Variants in CDIN1 observed in about 807,000 individuals in gnomAD.
The protein encoded by CDIN1 is CDAN1 interacting nuclease 1, also known as CDAN1-interacting nuclease 1.
In CDIN1, 33 loss-of-function variants were observed where a neutral mutation model predicts 45.3. The ratio of observed to expected loss-of-function variants is 0.73; its 90% CI spans 0.55 to 0.97. CDIN1 has a LOEUF of 0.97. Ranked by LOEUF, CDIN1 falls within the 50% of genes least tolerant of loss-of-function variation. The probability of loss-of-function intolerance (pLI) is 0.00; values close to 1 mark genes in which losing one functional copy is unlikely to be tolerated. For synonymous variants in CDIN1, 118 were observed against 124.4 expected, an observed-to-expected ratio of 0.95 and a Z score of 0.34; for missense variants, 303 against 339.4, an observed-to-expected ratio of 0.89 and a Z score of 0.84.
rs1301097161 is a variant in CDIN1 at position 36,621,338 on chromosome 15, C to T, written c.102-22940C>T. On this transcript the variant is annotated intron_variant, in intron 1 of 10. Coordinates refer to ENST00000566621, the MANE Select transcript of CDIN1 (RefSeq NM_001321759.2). ...GTTAAGCTTTGGAGATACGTATTAGCGATTAACTGTTAAGAGCTTTGAAAA... is the reference window on the plus strand; with the variant it reads ...GTTAAGCTTTGGAGATACGTATTAGTGATTAACTGTTAAGAGCTTTGAAAA... 7.2e-5 allele frequency among the ~76,000 whole-genome samples: 11 copies of T among 152,234 alleles called. No homozygotes were observed. The South Asian group carries it at 1.0e-3, about 14-fold the overall frequency.
intron 10 of CDIN1, among the ~76,000 whole-genome samples, chr15:36,789,522 G>A (rs2054591461): frequency 6.6e-6 from 1 of 152,068 alleles, no homozygotes; most frequent in Admixed American, 6.5e-5. Context: ...AAAAAAGGTT[G>A]GTCAACAGGT....
chr15:36,618,761 CAAA>C (rs34933565), intron 1 of CDIN1: 27,050 of 581,332 alleles, frequency 0.047, 116 homozygotes, highest in African/African-American at 0.12. Context: ...ACAACTCAGC[CAAA>C]AAAAAAAAAA....
intron 10 of CDIN1, chr15:36,756,133 T>A (rs1427603270): frequency 4.4e-6 from 2 of 455,874 alleles, no homozygotes; most frequent in Admixed American, 4.7e-5. Flanking sequence ...TATATGGTTT[T>A]AAGGTACAGT....
intron 1 of CDIN1, among the ~76,000 whole-genome samples, chr15:36,615,171 A>C (rs1253980449): frequency 6.6e-6 from 1 of 152,350 alleles, no homozygotes; most frequent in African/African-American, 2.4e-5. Flanking sequence ...TATTATTTTG[A>C]AACTTTGCTT....
At chr15:36,761,670 TTCA>T (rs1452993973) in intron 10 of CDIN1, among the ~76,000 whole-genome samples, 4 of 152,218 alleles carry the variant, frequency 2.6e-5, no homozygotes, top group African/African-American at 9.6e-5. Flanking sequence ...ACGAAAGCAC[TTCA>T]TCATCTCTTG....
rs1043369462 is a variant in CDIN1 at position 36,809,155 on chromosome 15, T to C, written c.*702T>C. On this transcript the variant is annotated 3_prime_UTR_variant, in exon 11 of 11. Coordinates refer to ENST00000566621, the MANE Select transcript of CDIN1 (RefSeq NM_001321759.2). Reference sequence around the variant, plus strand: ...AATGTTATTTGAACACCACATATTTTAGATTTATCTTATTTGAAAGTATTA... The same window carrying C: ...AATGTTATTTGAACACCACATATTTCAGATTTATCTTATTTGAAAGTATTA... 6.3e-6 allele frequency: 2 copies of C among 316,666 alleles called. No individual in the cohort carries two copies. Among genetic ancestry groups the C allele is most frequent in the East Asian group, 8.2e-5 (1 of 12,130 alleles). 19.6% of individuals were successfully genotyped at this position (316,666 alleles called of 1,614,324 possible).
In CDIN1 at chr15:36,579,841, C is replaced by G; in HGVS notation, c.-20C>G. 1 of 1,605,278 alleles carries G rather than the reference C, an allele frequency of 6.2e-7. No homozygotes were observed. Among genetic ancestry groups the G allele is most frequent in the Non-Finnish European group, 8.5e-7 (1 of 1,174,928 alleles). ...GGTGTTTTTTCCTTGTTCCCGCCACCTCCTGGTCCCTGGCCCAACATGATA... is the reference window on the plus strand; with the variant it reads ...GGTGTTTTTTCCTTGTTCCCGCCACGTCCTGGTCCCTGGCCCAACATGATA... On this transcript the variant is annotated 5_prime_UTR_variant, in exon 1 of 11. Coordinates refer to ENST00000566621, the MANE Select transcript of CDIN1 (RefSeq NM_001321759.2).
intron 5 of CDIN1, among the ~76,000 whole-genome samples, chr15:36,671,210 G>T (rs920770502): frequency 6.6e-6 from 1 of 152,116 alleles, no homozygotes; most frequent in Non-Finnish European, 1.5e-5. Flanking sequence ...TTCTGTCCTT[G>T]GGGATGAAGG....
intron 1 of CDIN1, among the ~76,000 whole-genome samples, chr15:36,636,077 G>T (rs990557351): frequency 6.6e-6 from 1 of 151,976 alleles, no homozygotes; most frequent in African/African-American, 2.4e-5. Flanking sequence ...TGAAAGGTAC[G>T]CAGTCACATA....
intron 1 of CDIN1, among the ~76,000 whole-genome samples, chr15:36,601,258 T>G (rs2038086825): frequency 6.6e-6 from 1 of 152,306 alleles, no homozygotes; most frequent in South Asian, 2.1e-4. Context: ...TAACTTGGAC[T>G]GAAAAGGGAC....
chr15:36,615,318 G>T (rs1026811289), intron 1 of CDIN1, among the ~76,000 whole-genome samples: 11 of 152,138 alleles, frequency 7.2e-5, no homozygotes, highest in African/African-American at 2.2e-4. Context: ...TAGGAGGTCT[G>T]TTAGGTGTAC....
chr15:36,783,854 G>A (rs1241959104), intron 10 of CDIN1, among the ~76,000 whole-genome samples: 1 of 152,116 alleles, frequency 6.6e-6, no homozygotes, highest in South Asian at 2.1e-4. Flanking sequence ...ATATTGGCCA[G>A]TATTTTAATA....
At chr15:36,615,334 G>A (rs2038842187) in intron 1 of CDIN1, among the ~76,000 whole-genome samples, 1 of 152,130 alleles carries the variant, frequency 6.6e-6, no homozygotes. Context: ...TGTACATCCT[G>A]CAGCTTATTG....
At chr15:36,683,042 A>C (rs1316803504) in intron 5 of CDIN1, among the ~76,000 whole-genome samples, 1 of 152,206 alleles carries the variant, frequency 6.6e-6, no homozygotes, top group African/African-American at 2.4e-5. Flanking sequence ...TCCTGATTGG[A>C]GTGAATGTAT....
chr15:36,802,165 T>C (rs1416115967), intron 10 of CDIN1, among the ~76,000 whole-genome samples: 4 of 152,190 alleles, frequency 2.6e-5, no homozygotes, highest in Non-Finnish European at 5.9e-5. Flanking sequence ...CCTGGCCCTT[T>C]TTGGGCCCCA....
At chr15:36,731,166 C>T (rs1056930323) in intron 10 of CDIN1, among the ~76,000 whole-genome samples, 6 of 152,024 alleles carry the variant, frequency 3.9e-5, no homozygotes, top group Non-Finnish European at 8.8e-5. Flanking sequence ...AAGGTTAGAT[C>T]TGATAAAAGC....
chr15:36,713,585 AC>A (rs1254249364), intron 10 of CDIN1, among the ~76,000 whole-genome samples: 1 of 152,052 alleles, frequency 6.6e-6, no homozygotes, highest in East Asian at 1.9e-4. Flanking sequence ...ACTGAGTAAA[AC>A]CTTTTTTGCC....
intron 5 of CDIN1, among the ~76,000 whole-genome samples, chr15:36,659,259 CTTT>C (rs996687854): frequency 6.6e-6 from 1 of 152,152 alleles, no homozygotes; most frequent in African/African-American, 2.4e-5. Context: ...ATTAATTTAT[CTTT>C]ATAACACTGG....
chr15:36,794,627 A>C (rs539665050), intron 10 of CDIN1, among the ~76,000 whole-genome samples: 2 of 149,722 alleles, frequency 1.3e-5, no homozygotes, highest in African/African-American at 4.9e-5. Flanking sequence ...ATGTGACAGG[A>C]TTTTCCTCTT....
Sources: allele counts gnomAD v4.1 joint callset (sites outside exome capture counted in the v4.1 genomes callset), GRCh38; gene constraint gnomAD v4.1.1; transcripts MANE v1.5; gene names NCBI Gene and HGNC (gene_info 2026-07-23, HGNC 2026-07-21).